ABTB3: variants seen among roughly 807,000 people sequenced by gnomAD.
The protein encoded by ABTB3 is ankyrin repeat- and BTB/POZ domain-containing protein 3.
chr12:107,445,623 T>C, the ABTB3 span, among the ~76,000 whole-genome samples: 19,859 of 152,162 alleles, frequency 0.13, 1,743 homozygotes, highest in Admixed American at 0.25. Flanking sequence ...CAAAGAGAGA[T>C]GGATGGTTTA....
the ABTB3 span, among the ~76,000 whole-genome samples, chr12:107,638,522 G>A: frequency 6.6e-6 from 1 of 152,178 alleles, no homozygotes; most frequent in South Asian, 2.1e-4. Context: ...AACCCCTGGG[G>A]AAGGGACCAT....
chr12:107,325,061 C>T, the ABTB3 span, among the ~76,000 whole-genome samples: 2 of 152,226 alleles, frequency 1.3e-5, no homozygotes, highest in Non-Finnish European at 2.9e-5. Context: ...ACATAGTAGG[C>T]ACTCGATAAT....
the ABTB3 span, among the ~76,000 whole-genome samples, chr12:107,634,175 CTTCTGCCTCGGG>C: frequency 2.0e-5 from 3 of 152,204 alleles, no homozygotes; most frequent in East Asian, 5.8e-4. Flanking sequence ...AAGCTGTATG[CTTCTGCCTCGGG>C]AACACAATGA....
chr12:107,457,731 G>T, the ABTB3 span, among the ~76,000 whole-genome samples: 1 of 152,240 alleles, frequency 6.6e-6, no homozygotes, highest in Non-Finnish European at 1.5e-5. Context: ...TCAGCTGCCT[G>T]TTGCATGCCA....
At chr12:107,562,715 C>G in the ABTB3 span, among the ~76,000 whole-genome samples, 1 of 152,236 alleles carries the variant, frequency 6.6e-6, no homozygotes, top group Non-Finnish European at 1.5e-5. Context: ...AGTATAGGCT[C>G]TAAACCATTG....
chr12:107,397,422 G>A, the ABTB3 span, among the ~76,000 whole-genome samples: 2 of 152,050 alleles, frequency 1.3e-5, no homozygotes, highest in South Asian at 4.2e-4. Flanking sequence ...TTCAGTAAAA[G>A]ACCTGTTCAA....
the ABTB3 span, among the ~76,000 whole-genome samples, chr12:107,434,149 C>T: frequency 6.6e-6 from 1 of 152,244 alleles, no homozygotes; most frequent in African/African-American, 2.4e-5. Flanking sequence ...AGCTTATTCT[C>T]ACGAGGGAAA....
chr12:107,467,649 C>T, the ABTB3 span, among the ~76,000 whole-genome samples: 1 of 152,120 alleles, frequency 6.6e-6, no homozygotes, highest in African/African-American at 2.4e-5. Context: ...CACACACATG[C>T]CAACACACAT....
At chr12:107,547,258 G>A in the ABTB3 span, among the ~76,000 whole-genome samples, 1 of 152,088 alleles carries the variant, frequency 6.6e-6, no homozygotes, top group East Asian at 1.9e-4. Context: ...AGAGGAAGAA[G>A]AAGAACAACA....
the ABTB3 span, among the ~76,000 whole-genome samples, chr12:107,559,633 T>C: frequency 6.6e-6 from 1 of 152,248 alleles, no homozygotes; most frequent in Non-Finnish European, 1.5e-5. Context: ...TCACATGTTA[T>C]GGGAAGTAGC....
At chr12:107,340,985 A>G in the ABTB3 span, among the ~76,000 whole-genome samples, 33 of 152,160 alleles carry the variant, frequency 2.2e-4, no homozygotes, top group Non-Finnish European at 4.3e-4. Flanking sequence ...AACACACACC[A>G]TTACTCAAAT....
At chr12:107,469,919 T>TTTCC in the ABTB3 span, among the ~76,000 whole-genome samples, 4 of 109,610 alleles carry the variant, frequency 3.6e-5, no homozygotes, top group Non-Finnish European at 5.6e-5. Flanking sequence ...TCTTTCTTTC[T>TTTCC]TTCTCTCTCT....
chr12:107,429,105 G>T, the ABTB3 span, among the ~76,000 whole-genome samples: 1 of 152,304 alleles, frequency 6.6e-6, no homozygotes, highest in East Asian at 1.9e-4. Context: ...TGAAGGTTGG[G>T]GCTTGTTTCT....
the ABTB3 span, among the ~76,000 whole-genome samples, chr12:107,444,068 A>G: frequency 6.6e-6 from 1 of 152,202 alleles, no homozygotes; most frequent in Non-Finnish European, 1.5e-5. Flanking sequence ...AGTTCTGGCC[A>G]CTAGAGAGTG....
the ABTB3 span, among the ~76,000 whole-genome samples, chr12:107,434,568 G>A: frequency 7.0e-4 from 106 of 152,278 alleles, 2 homozygotes; most frequent in East Asian, 0.013. Context: ...TCTGCATTAA[G>A]AATAAAGGCT....
chr12:107,508,438 CTTTTTT>C, the ABTB3 span, among the ~76,000 whole-genome samples: 290 of 69,108 alleles, frequency 4.2e-3, no homozygotes, highest in African/African-American at 0.012. Flanking sequence ...AAGATCATTT[CTTTTTT>C]TTTTTTTTTT....
the ABTB3 span, among the ~76,000 whole-genome samples, chr12:107,579,340 A>C: frequency 1.3e-5 from 2 of 152,156 alleles, no homozygotes; most frequent in African/African-American, 4.8e-5. Context: ...TGTCAATATC[A>C]CATGGGGTTT....
At chr12:107,449,736 G>C in the ABTB3 span, among the ~76,000 whole-genome samples, 1 of 151,970 alleles carries the variant, frequency 6.6e-6, no homozygotes, top group Non-Finnish European at 1.5e-5. Context: ...CTGTAACCTT[G>C]AATTCCTGGG....
At chr12:107,358,894 C>T in the ABTB3 span, among the ~76,000 whole-genome samples, 2 of 152,298 alleles carry the variant, frequency 1.3e-5, no homozygotes, top group South Asian at 4.1e-4. Flanking sequence ...TCGGCCTCCA[C>T]CGTCTATTTT....
Sources: allele counts gnomAD v4.1 joint callset (sites outside exome capture counted in the v4.1 genomes callset), GRCh38; gene constraint gnomAD v4.1.1; transcripts MANE v1.5; gene names NCBI Gene and HGNC (gene_info 2026-07-23, HGNC 2026-07-21).